SLC24A2: variants seen among roughly 807,000 people sequenced by gnomAD.
SLC24A2 encodes the protein sodium/potassium/calcium exchanger 2.
SLC24A2 carries 36 observed loss-of-function variants against 62.0 expected under a neutral mutation model. The observed-to-expected ratio is 0.58, with a 90% CI of 0.44 to 0.77. SLC24A2 has a LOEUF of 0.77. SLC24A2 is among the 30% of genes least tolerant of loss of function. The pLI is 0.00. For missense variants in SLC24A2, 846 were observed against 817.9 expected (o/e 1.03, Z -0.42); for synonymous variants, 358 against 294.0 (o/e 1.22, Z -2.23).
the SLC24A2 span, among the ~76,000 whole-genome samples, chr9:20,183,654 A>G: frequency 6.6e-6 from 1 of 152,226 alleles, no homozygotes; most frequent in Non-Finnish European, 1.5e-5. Context: ...GGCCTTGAAG[A>G]ATGGGTAACT....
At chr9:20,004,700 G>A in the SLC24A2 span, among the ~76,000 whole-genome samples, 1 of 152,122 alleles carries the variant, frequency 6.6e-6, no homozygotes, top group African/African-American at 2.4e-5. Context: ...ATGTGTTCAT[G>A]GCAATATGAT....
the SLC24A2 span, among the ~76,000 whole-genome samples, chr9:19,872,238 T>C: frequency 1.3e-5 from 2 of 152,202 alleles, no homozygotes; most frequent in Admixed American, 1.3e-4. Flanking sequence ...TACTCAGCTT[T>C]GGAGACTCCT....
At chr9:19,920,048 A>G in the SLC24A2 span, among the ~76,000 whole-genome samples, 54 of 152,222 alleles carry the variant, frequency 3.5e-4, no homozygotes, top group South Asian at 1.7e-3. Context: ...TCAATATCCT[A>G]TTTATTTGTG....
chr9:19,561,776 A>G (rs1184974756), intron 7 of SLC24A2, among the ~76,000 whole-genome samples: 1 of 86,688 alleles, frequency 1.2e-5, no homozygotes, highest in Non-Finnish European at 2.6e-5. Flanking sequence ...GCCTGATGGT[A>G]GAAAATAGTA....
chr9:19,548,159 G>A (rs574586270), intron 8 of SLC24A2, among the ~76,000 whole-genome samples: 38 of 151,572 alleles, frequency 2.5e-4, no homozygotes, highest in Non-Finnish European at 4.7e-4. Context: ...GTAATGGGAT[G>A]GGGTTTTTCT....
At chr9:19,680,851 T>TTGTG (rs72142691) in intron 2 of SLC24A2, among the ~76,000 whole-genome samples, 1,673 of 147,056 alleles carry the variant, frequency 0.011, 20 homozygotes, top group African/African-American at 0.028. Flanking sequence ...TATACCAGAG[T>TTGTG]TGTGTGTGTG....
chr9:20,141,312 T>C, the SLC24A2 span, among the ~76,000 whole-genome samples: 1 of 152,090 alleles, frequency 6.6e-6, no homozygotes, highest in East Asian at 1.9e-4. Context: ...GTCTTATTTC[T>C]CTCTACTCTG....
the SLC24A2 span, among the ~76,000 whole-genome samples, chr9:19,875,775 C>A: frequency 6.6e-6 from 1 of 152,212 alleles, no homozygotes; most frequent in Admixed American, 6.5e-5. Context: ...AATTCTTCTA[C>A]GAATGTGCTT....
At chr9:20,263,576 G>C in the SLC24A2 span, among the ~76,000 whole-genome samples, 1 of 152,124 alleles carries the variant, frequency 6.6e-6, no homozygotes, top group African/African-American at 2.4e-5. Context: ...ATGCTTTCTA[G>C]TGAAAAATTA....
At chr9:19,862,294 T>C in the SLC24A2 span, among the ~76,000 whole-genome samples, 2 of 152,144 alleles carry the variant, frequency 1.3e-5, no homozygotes, top group Non-Finnish European at 2.9e-5. Context: ...GTATGACATA[T>C]TTAAAATACT....
rs1178101301 is a variant in SLC24A2, at chr9:19,561,957, T to A, written c.1347+11394A>T. 3.9e-5 allele frequency among the ~76,000 whole-genome samples: 6 copies of A among 152,176 alleles called. No individual in the cohort carries two copies. In the East Asian group the frequency reaches 1.2e-3, roughly 29 times the overall value. On this transcript the variant is annotated intron_variant, in intron 7 of 10. Coordinates refer to ENST00000341998, the MANE Select transcript of SLC24A2 (RefSeq NM_020344.4). ...ACTGAAATCAAGGTTTCAAAATATTTTGTTGTGAGTGATGAAGCTGTCTGG... is the reference window on the plus strand; with the variant it reads ...ACTGAAATCAAGGTTTCAAAATATTATGTTGTGAGTGATGAAGCTGTCTGG...
chr9:19,796,153 G>C, the SLC24A2 span, among the ~76,000 whole-genome samples: 1 of 150,710 alleles, frequency 6.6e-6, no homozygotes, highest in Non-Finnish European at 1.5e-5. Context: ...GATAGCATTA[G>C]GAGATATACC....
At position 19,511,889 on chromosome 9, in the gene SLC24A2, G is replaced by C. The variant is rs1025459760; in HGVS notation, c.*4264C>G. 1 of 152,382 alleles carries C rather than the reference G, an allele frequency of 6.6e-6. No homozygotes were observed. The highest frequency in any genetic ancestry group is 2.4e-5 in the African/African-American group (1 of 41,470). 9.4% of individuals were successfully genotyped at this position (152,382 alleles called of 1,614,324 possible). A position where few individuals can be genotyped will look rare whatever the true frequency, so the allele number is the denominator to read the frequency against. On this transcript the variant is annotated 3_prime_UTR_variant, in exon 11 of 11. Coordinates refer to ENST00000341998, the MANE Select transcript of SLC24A2 (RefSeq NM_020344.4). Reference sequence around the variant, plus strand: ...CGCGTGTGTGTGGGGGTGTGGGTGTGTGTTTGGTAGATGTGGGGAGGAAAG... The same window carrying C: ...CGCGTGTGTGTGGGGGTGTGGGTGTCTGTTTGGTAGATGTGGGGAGGAAAG...
chr9:19,549,441 C>G (rs1359931868), intron 8 of SLC24A2, among the ~76,000 whole-genome samples: 1 of 152,202 alleles, frequency 6.6e-6, no homozygotes, highest in African/African-American at 2.4e-5. Context: ...AGAAGTGAAT[C>G]TATGTAACTT....
the SLC24A2 span, among the ~76,000 whole-genome samples, chr9:19,915,511 T>C: frequency 6.6e-6 from 1 of 152,090 alleles, no homozygotes; most frequent in East Asian, 1.9e-4. Flanking sequence ...CCAAACTTTT[T>C]CCAGAGCACT....
At chr9:20,271,375 T>A in the SLC24A2 span, among the ~76,000 whole-genome samples, 2 of 152,150 alleles carry the variant, frequency 1.3e-5, no homozygotes, top group Non-Finnish European at 2.9e-5. Context: ...GTTTCAAGAG[T>A]GAGACTGTGT....
At chr9:20,068,272 C>G in the SLC24A2 span, among the ~76,000 whole-genome samples, 5 of 151,964 alleles carry the variant, frequency 3.3e-5, no homozygotes, top group African/African-American at 1.2e-4. Context: ...CCATCTTGGC[C>G]AGGCTGGTTG....
At chr9:19,769,035 G>T (rs1306537405) in intron 2 of SLC24A2, among the ~76,000 whole-genome samples, 1 of 152,000 alleles carries the variant, frequency 6.6e-6, no homozygotes, top group Non-Finnish European at 1.5e-5. Flanking sequence ...CTGAATTCCA[G>T]ACTCATACCC....
the SLC24A2 span, among the ~76,000 whole-genome samples, chr9:20,006,277 T>C: frequency 6.6e-6 from 1 of 152,000 alleles, no homozygotes; most frequent in African/African-American, 2.4e-5. Context: ...TAATTTAATA[T>C]GCAATTAAAT....
Sources: allele counts gnomAD v4.1 joint callset (sites outside exome capture counted in the v4.1 genomes callset), GRCh38; gene constraint gnomAD v4.1.1; transcripts MANE v1.5; gene names NCBI Gene and HGNC (gene_info 2026-07-23, HGNC 2026-07-21).